Variants in SLC22A25 observed in about 807,000 individuals in gnomAD.
The protein encoded by SLC22A25 is MGI:2442751, MGI:2385316, MGI:3042283, MGI:3645714, MGI:3605624, MGI:2442750.
SLC22A25 carries 44 observed loss-of-function variants against 45.9 expected under a neutral mutation model. The observed-to-expected ratio is 0.96, with a 90% CI of 0.75 to 1.23. The LOEUF (loss-of-function observed/expected upper bound fraction) is 1.23. SLC22A25 is among the 50% of genes most tolerant of loss of function. The pLI, the probability that SLC22A25 is intolerant of heterozygous loss-of-function variation, is 0.00. For missense variants in SLC22A25, 800 were observed against 666.4 expected, an observed-to-expected ratio of 1.20 and a Z score of -2.21; for synonymous variants, 283 against 238.6, an observed-to-expected ratio of 1.19 and a Z score of -1.72.
chr11:63,175,005 A>G (rs978034282), intron 9 of SLC22A25, among the ~76,000 whole-genome samples: 2 of 152,122 alleles, frequency 1.3e-5, no homozygotes, highest in Non-Finnish European at 2.9e-5. Flanking sequence ...AGTACGTACC[A>G]CATTTTACTT....
In SLC22A25 at chr11:63,225,391, G is replaced by A. The variant is rs181579477; in HGVS notation, c.506+3070C>T. 1.4e-4 allele frequency among the ~76,000 whole-genome samples: 22 copies of A among 152,178 alleles called. No homozygotes were observed. The East Asian group carries it at 4.3e-3, about 29-fold the overall frequency. ...TCATTCATATTTGAAGGATATTTTT[G>A]CCAAATATAGTATTATAGGGTAAAA... is the stretch of plus-strand genomic sequence containing the variant. On this transcript the variant is annotated intron_variant, in intron 5 of 11. Coordinates refer to ENST00000306494, the MANE Select transcript of SLC22A25 (RefSeq NM_199352.6).
chr11:63,185,522 T>TTA (rs1565079093), intron 7 of SLC22A25, among the ~76,000 whole-genome samples: 1 of 124,308 alleles, frequency 8.0e-6, no homozygotes. Flanking sequence ...CACATTTTCT[T>TTA]TTTTTATTTT....
chr11:63,199,712 G>T (rs1180381846), intron 7 of SLC22A25, among the ~76,000 whole-genome samples: 1 of 151,918 alleles, frequency 6.6e-6, no homozygotes, highest in Non-Finnish European at 1.5e-5. Context: ...AGCTCATTAG[G>T]ATTGCAAGGC....
At chr11:63,231,564 T>C (rs1040398239) in intron 3 of SLC22A25, among the ~76,000 whole-genome samples, 1 of 152,176 alleles carries the variant, frequency 6.6e-6, no homozygotes, top group African/African-American at 2.4e-5. Context: ...GTCAGATGAG[T>C]AGATTGCAAA....
chr11:63,180,335 G>A (rs1367540740), intron 9 of SLC22A25, among the ~76,000 whole-genome samples: 2 of 152,066 alleles, frequency 1.3e-5, no homozygotes, highest in Non-Finnish European at 2.9e-5. Flanking sequence ...ACATTCATAT[G>A]ATTTGCTGTT....
chr11:63,215,087 T>C (rs2089675644), intron 7 of SLC22A25, among the ~76,000 whole-genome samples: 2 of 152,180 alleles, frequency 1.3e-5, no homozygotes, highest in Non-Finnish European at 2.9e-5. Flanking sequence ...ATTGGGTATA[T>C]ACCCAAAGGA....
At chr11:63,237,327 AAAG>A (rs1390857790) in intron 3 of SLC22A25, among the ~76,000 whole-genome samples, 5 of 152,218 alleles carry the variant, frequency 3.3e-5, no homozygotes, top group African/African-American at 1.2e-4. Context: ...TGAAATAAAA[AAAG>A]AGACGAGACC....
intron 3 of SLC22A25, among the ~76,000 whole-genome samples, chr11:63,233,772 T>C (rs537786712): frequency 1.5e-4 from 23 of 152,358 alleles, no homozygotes; most frequent in African/African-American, 4.8e-4. Context: ...TGTAGGCATT[T>C]AGTGCTATAA....
chr11:63,183,954 A>G, intron 7 of SLC22A25, 137 bp from the exon 8 acceptor site: 1 of 1,239,718 alleles, frequency 8.1e-7, no homozygotes, highest in Non-Finnish European at 1.1e-6. Flanking sequence ...AAAAGCCTAC[A>G]TTCTCTTGTG....
At chr11:63,166,455 T>A in intron 9 of SLC22A25, 197 bp from the exon 10 acceptor site, 1 of 1,408,332 alleles carries the variant, frequency 7.1e-7, no homozygotes, top group Non-Finnish European at 9.2e-7. Flanking sequence ...AACAATTGTA[T>A]CTTGAGGGAC....
At chr11:63,203,975 C>T (rs1352480732) in intron 7 of SLC22A25, among the ~76,000 whole-genome samples, 1 of 152,160 alleles carries the variant, frequency 6.6e-6, no homozygotes, top group African/African-American at 2.4e-5. Flanking sequence ...AGAAACCCTA[C>T]AAGCCAGAAG....
chr11:63,225,124 A>AAAAAT (rs1439098643), intron 5 of SLC22A25, among the ~76,000 whole-genome samples: 1 of 152,162 alleles, frequency 6.6e-6, no homozygotes, highest in Non-Finnish European at 1.5e-5. Context: ...ATACATAAAT[A>AAAAAT]AAAATAAAAT....
chr11:63,220,040 T>TA (rs1441575048), intron 5 of SLC22A25: 1 of 1,284,222 alleles, frequency 7.8e-7, no homozygotes, highest in Non-Finnish European at 1.0e-6. Flanking sequence ...TCAGAAGACA[T>TA]ACGGTAAGTT....
chr11:63,166,058 A>G lies in SLC22A25; in HGVS notation c.1271T>C (p.Ile424Thr). 1 of 1,613,862 alleles carries G rather than the reference A, an allele frequency of 6.2e-7. No individual in the cohort carries two copies. Among genetic ancestry groups the G allele is most frequent in the Non-Finnish European group, 8.5e-7 (1 of 1,179,858 alleles). Reference protein sequence around the residue: ...FLLATCLLAIIFVPQEMQTLR... With the variant: ...FLLATCLLAITFVPQEMQTLR... ...ACTTTTCTCACCTTGAGGCACAAAT[A>G]TGATGGCCAGAAGGCAGGTTGCCAG... Residue 424 changes from isoleucine to threonine, a missense_variant, in exon 10 of 12, where the codon ATA (isoleucine) becomes ACA (threonine). Transcript: ENST00000306494.
chr11:63,160,899 T>C lies in SLC22A25; in HGVS notation c.*2925A>G, dbSNP rs2087527848. ...CTGGATTTTGGAATTGTATGGGGCC[T>C]TTAGTAAAACTGCTATGGAGAACAG... On this transcript the variant is annotated 3_prime_UTR_variant, in exon 12 of 12. Coordinates refer to ENST00000306494, the MANE Select transcript of SLC22A25 (RefSeq NM_199352.6). 6.6e-6 allele frequency among the ~76,000 whole-genome samples: 1 copy of C among 152,156 alleles called. No individual in the cohort carries two copies. The highest frequency in any genetic ancestry group is 2.1e-4 in the South Asian group (1 of 4,822).
At chr11:63,213,791 T>C (rs1340754963) in intron 7 of SLC22A25, among the ~76,000 whole-genome samples, 1 of 152,156 alleles carries the variant, frequency 6.6e-6, no homozygotes, top group African/African-American at 2.4e-5. Context: ...GCCGGGAAGA[T>C]CTCAGAGATA....
rs1455418111 is a variant in SLC22A25 at position 63,218,746 on chromosome 11, TAAAAA to T, written c.507-1016_507-1012del. On this transcript the variant is annotated intron_variant, in intron 5 of 11. Transcript: ENST00000306494. ...GATTTTCAGGGGAGGGTTAAAAAAA[TAAAAA>T]GGAAATTCTGTGTTTTATTATTTTC... Among the ~76,000 whole-genome samples, 4 of 152,070 alleles carry T rather than the reference TAAAAA, an allele frequency of 2.6e-5. 1 individual carries two copies. The East Asian group carries it at 7.7e-4, about 29-fold the overall frequency.
intron 7 of SLC22A25, among the ~76,000 whole-genome samples, chr11:63,206,631 A>G (rs912944678): frequency 1.3e-5 from 2 of 152,252 alleles, no homozygotes; most frequent in Admixed American, 1.3e-4. Context: ...TCAAGGAAAT[A>G]AGAGAAAATA....
Position 63,226,465 on chromosome 11 carries a change from G to GT in SLC22A25, c.506+1995dup, listed in dbSNP as rs937710590. ...TTTGGACCAGCAGGCAGAGACTCTT[G>GT]TTTTTTTTCTTTATTTTCTCCCAAA... On this transcript the variant is annotated intron_variant, in intron 5 of 11. Transcript: ENST00000306494. Among the ~76,000 whole-genome samples, 5 of 152,024 alleles carry GT rather than the reference G, an allele frequency of 3.3e-5. No homozygotes were observed. The South Asian group carries it at 6.3e-4, about 19-fold the overall frequency.
Sources: gnomAD v4.1 joint callset for allele counts (sites outside exome capture counted in the v4.1 genomes callset) on GRCh38, gnomAD v4.1.1 for gene constraint, MANE v1.5 for transcripts, NCBI Gene and HGNC (gene_info 2026-07-23, HGNC 2026-07-21) for gene names.